The following LYPLAL1 variants were observed in gnomAD, a reference collection of about 807,000 sequenced individuals.
The protein encoded by LYPLAL1 is lysophospholipase-like protein 1.
LYPLAL1 carries 23 observed loss-of-function variants against 19.7 expected under a neutral mutation model. That is an observed-to-expected ratio of 1.17 (90% CI 0.84 to 1.65). The LOEUF is 1.65. LYPLAL1 is among the 40% of genes most tolerant of loss of function. LYPLAL1 has a pLI of 0.00. For missense variants in LYPLAL1, 355 were observed against 279.4 expected (o/e 1.27, Z -1.93); for synonymous variants, 119 against 96.3 (o/e 1.24, Z -1.38).
chr1:219,399,307 G>C, the LYPLAL1 span, among the ~76,000 whole-genome samples: 8,960 of 152,210 alleles, frequency 0.059, 354 homozygotes, highest in South Asian at 0.09. Context: ...GTCCAGGGAG[G>C]GTCCACTGTT....
At chr1:219,286,640 G>A in the LYPLAL1 span, among the ~76,000 whole-genome samples, 7 of 152,212 alleles carry the variant, frequency 4.6e-5, no homozygotes, top group African/African-American at 1.7e-4. Context: ...CAGTGTCACT[G>A]CTGCTGCATC....
chr1:219,393,607 C>A, the LYPLAL1 span, among the ~76,000 whole-genome samples: 1 of 152,118 alleles, frequency 6.6e-6, no homozygotes, highest in Non-Finnish European at 1.5e-5. Flanking sequence ...AAGTGGCTAA[C>A]TTTGTTTTCC....
chr1:219,365,849 G>A, the LYPLAL1 span, among the ~76,000 whole-genome samples: 4 of 152,112 alleles, frequency 2.6e-5, no homozygotes, highest in Non-Finnish European at 1.5e-5. Flanking sequence ...TTCTCTGGGA[G>A]CCTCAGCTGT....
the LYPLAL1 span, among the ~76,000 whole-genome samples, chr1:219,384,015 C>A: frequency 1.3e-5 from 2 of 152,194 alleles, no homozygotes; most frequent in Admixed American, 1.3e-4. Flanking sequence ...GCCAACCTTC[C>A]CCTCTCCTTC....
the LYPLAL1 span, among the ~76,000 whole-genome samples, chr1:219,405,891 A>G: frequency 6.6e-6 from 1 of 152,150 alleles, no homozygotes; most frequent in Admixed American, 6.5e-5. Flanking sequence ...ATATGGAAGC[A>G]CTCAGCAAGG....
chr1:219,326,025 T>A, the LYPLAL1 span, among the ~76,000 whole-genome samples: 1 of 152,162 alleles, frequency 6.6e-6, no homozygotes, highest in African/African-American at 2.4e-5. Flanking sequence ...TGATTCTCCC[T>A]GCCTCAGCCT....
the LYPLAL1 span, among the ~76,000 whole-genome samples, chr1:219,352,815 C>T: frequency 6.6e-6 from 1 of 152,186 alleles, no homozygotes; most frequent in Admixed American, 6.5e-5. Context: ...CTTACTACTC[C>T]CTGGATGGTT....
chr1:219,311,207 A>G, the LYPLAL1 span, among the ~76,000 whole-genome samples: 1 of 150,962 alleles, frequency 6.6e-6, no homozygotes, highest in Non-Finnish European at 1.5e-5. Flanking sequence ...TTTATCTTTC[A>G]GTCATGGAAT....
At chr1:219,177,510 C>T (rs1655916193) in intron 1 of LYPLAL1, among the ~76,000 whole-genome samples, 1 of 152,154 alleles carries the variant, frequency 6.6e-6, no homozygotes, top group Non-Finnish European at 1.5e-5. Flanking sequence ...CAAAGAGGCA[C>T]CTCACACTCA....
At chr1:219,187,818 T>C (rs4846535) in intron 2 of LYPLAL1, among the ~76,000 whole-genome samples, 1 of 151,668 alleles carries the variant, frequency 6.6e-6, no homozygotes, top group African/African-American at 2.4e-5. Flanking sequence ...GATAACAGTA[T>C]ATCTGTACTA....
the LYPLAL1 span, among the ~76,000 whole-genome samples, chr1:219,256,747 G>A: frequency 8.6e-5 from 13 of 152,046 alleles, no homozygotes; most frequent in Admixed American, 2.0e-4. Context: ...GGCTTTAGCT[G>A]CATTCTCCAA....
At chr1:219,280,779 G>A in the LYPLAL1 span, among the ~76,000 whole-genome samples, 2 of 152,190 alleles carry the variant, frequency 1.3e-5, no homozygotes, top group Non-Finnish European at 2.9e-5. Flanking sequence ...CAAGCATGGT[G>A]GCTCATGCCT....
chr1:219,418,414 C>T, the LYPLAL1 span, among the ~76,000 whole-genome samples: 1 of 152,160 alleles, frequency 6.6e-6, no homozygotes, highest in African/African-American at 2.4e-5. Context: ...CCAGTCCTCC[C>T]AGCACTGATT....
chr1:219,205,455 C>T (rs1050988269), intron 3 of LYPLAL1, among the ~76,000 whole-genome samples: 6 of 150,972 alleles, frequency 4.0e-5, no homozygotes, highest in Non-Finnish European at 8.8e-5. Flanking sequence ...TGTAGAAAGA[C>T]TTTCAAATTA....
chr1:219,174,954 T>A (rs943240960), intron 1 of LYPLAL1: 1 of 985,328 alleles, frequency 1.0e-6, no homozygotes, highest in Admixed American at 6.1e-5. Flanking sequence ...TTAGGCATTA[T>A]TAAGGCATTT....
the LYPLAL1 span, among the ~76,000 whole-genome samples, chr1:219,220,960 G>A: frequency 2.0e-5 from 3 of 152,174 alleles, no homozygotes; most frequent in Non-Finnish European, 4.4e-5. Context: ...ACCCCTAGGA[G>A]ACGTCACAGG....
At chr1:219,305,415 G>T in the LYPLAL1 span, among the ~76,000 whole-genome samples, 2 of 152,012 alleles carry the variant, frequency 1.3e-5, no homozygotes, top group African/African-American at 2.4e-5. Context: ...TTAGAAAAGA[G>T]ACATACTGAA....
At chr1:219,274,381 A>G in the LYPLAL1 span, among the ~76,000 whole-genome samples, 1 of 151,908 alleles carries the variant, frequency 6.6e-6, no homozygotes, top group African/African-American at 2.4e-5. Flanking sequence ...AGCATGAAAG[A>G]GTTTGTTTTG....
At chr1:219,344,774 G>C in the LYPLAL1 span, among the ~76,000 whole-genome samples, 2 of 152,092 alleles carry the variant, frequency 1.3e-5, no homozygotes, top group South Asian at 4.1e-4. Context: ...TATTTTACTT[G>C]TTCCAAGGAG....
Sources: gnomAD v4.1 joint callset for allele counts (sites outside exome capture counted in the v4.1 genomes callset) on GRCh38, gnomAD v4.1.1 for gene constraint, MANE v1.5 for transcripts, NCBI Gene and HGNC (gene_info 2026-07-23, HGNC 2026-07-21) for gene names.